The following ZPLD1 variants were observed in gnomAD, a reference collection of about 807,000 sequenced individuals.
ZPLD1 encodes zona pellucida like domain containing 1.
Under a neutral mutation model 47.2 loss-of-function variants are expected in ZPLD1, and 34 were observed. The observed-to-expected ratio is 0.72, with a 90% CI of 0.55 to 0.96. The LOEUF is 0.96. ZPLD1 is among the 40% of genes least tolerant of loss of function. The pLI is 0.00. For synonymous variants in ZPLD1, 176 were observed against 186.2 expected (o/e 0.95, Z 0.45); for missense variants, 512 against 505.8 (o/e 1.01, Z -0.12).
intron 6 of ZPLD1, among the ~76,000 whole-genome samples, chr3:102,387,427 CT>C (rs1041140025): frequency 3.3e-5 from 5 of 152,154 alleles, no homozygotes; most frequent in Non-Finnish European, 7.4e-5. Flanking sequence ...TTCTTCACCT[CT>C]TTTGTATTCT....
rs569347148 is a variant in ZPLD1 at position 102,468,964 on chromosome 3, C to T, written c.762C>T (p.Ser254=). Residue 254 remains serine, a splice_region_variant and synonymous_variant, in exon 9 of 12, where the codon AGC becomes AGT. Transcript: ENST00000466937. The part of the protein sequence containing the change: ...NDDIRYDLFL[S]CDKDPQTTVI... ...TGTTTTCACGTTCCCTAAAATTTAG[C>T]TGTGACAAGGACCCTCAGACCACCG... is the stretch of plus-strand genomic sequence containing the variant. The T allele has an allele frequency of 6.2e-7, 1 of 1,607,868 alleles. No individual in the cohort carries two copies. Among genetic ancestry groups the T allele is most frequent in the East Asian group, 2.2e-5 (1 of 44,832 alleles).
Position 102,388,257 on chromosome 3 carries a change from G to A in ZPLD1, c.-213+2940G>A, listed in dbSNP as rs1009999487. Among the ~76,000 whole-genome samples the A allele has an allele frequency of 7.9e-5, 12 of 152,054 alleles. No individual in the cohort carries two copies. The South Asian group carries it at 2.3e-3, about 29-fold the overall frequency. On this transcript the variant is annotated intron_variant, in intron 6 of 17. Coordinates refer to the ZPLD1 transcript ENST00000491959. ...CCGAACTACTGTAGGTTAGTTATTG[G>A]ACCTCCTGGAGGATATACTGAGAGA...
chr3:102,404,187 A>G (rs2107293886), intron 7 of ZPLD1, among the ~76,000 whole-genome samples: 1 of 152,090 alleles, frequency 6.6e-6, no homozygotes, highest in South Asian at 2.1e-4. Flanking sequence ...AATCTCACCC[A>G]CATTTCAGAG....
intron 10 of ZPLD1, 38 bp from the exon 11 acceptor site, chr3:102,476,974 G>A (rs754975792): frequency 6.2e-7 from 1 of 1,607,966 alleles, no homozygotes; most frequent in East Asian, 2.2e-5. Flanking sequence ...TATTTGGAGA[G>A]ATGATGTCAC....
chr3:102,475,806 T>C (rs1707750800), intron 10 of ZPLD1, among the ~76,000 whole-genome samples: 1 of 152,192 alleles, frequency 6.6e-6, no homozygotes, highest in African/African-American at 2.4e-5. Context: ...AACCATCGTT[T>C]CTGCCAAGAT....
intron 7 of ZPLD1, among the ~76,000 whole-genome samples, chr3:102,410,311 A>T (rs1706735571): frequency 6.6e-6 from 1 of 151,844 alleles, no homozygotes; most frequent in South Asian, 2.1e-4. Flanking sequence ...CTTGGAGTGG[A>T]GTTCAGAATC....
intron 4 of ZPLD1, among the ~76,000 whole-genome samples, chr3:102,454,865 C>A (rs548264745): frequency 6.4e-4 from 98 of 152,130 alleles, no homozygotes; most frequent in South Asian, 2.1e-3. Context: ...CACACACACA[C>A]AAAAAATTGC....
At chr3:102,423,797 A>C (rs1706909194) in intron 8 of ZPLD1, among the ~76,000 whole-genome samples, 1 of 152,088 alleles carries the variant, frequency 6.6e-6, no homozygotes, top group African/African-American at 2.4e-5. Context: ...TAGTCTTAAA[A>C]GGTCTTATTT....
At chr3:102,448,215 C>CT (rs765437459) in intron 3 of ZPLD1, among the ~76,000 whole-genome samples, 1 of 152,172 alleles carries the variant, frequency 6.6e-6, no homozygotes, top group African/African-American at 2.4e-5. Flanking sequence ...CACATAAACT[C>CT]TGTCTGCAGG....
chr3:102,410,396 A>G (rs1283686340), intron 7 of ZPLD1, among the ~76,000 whole-genome samples: 2 of 151,800 alleles, frequency 1.3e-5, no homozygotes, highest in Non-Finnish European at 2.9e-5. Flanking sequence ...GAATTACTAT[A>G]ATGTTAATCT....
In ZPLD1 at chr3:102,441,981, G is replaced by A. The variant is rs188122934; in HGVS notation, c.106+3388G>A. ...CTCCTACCCTAAGCGCAGAAACAGG[G>A]ACATAAGGCTACCATCTCCCTTGAT... On this transcript the variant is annotated intron_variant, in intron 3 of 11. Coordinates refer to ENST00000466937, the MANE Select transcript of ZPLD1 (RefSeq NM_001329788.2). 4.6e-5 allele frequency among the ~76,000 whole-genome samples: 7 copies of A among 152,214 alleles called. No homozygotes were observed. In the East Asian group the frequency reaches 7.7e-4, roughly 17 times the overall value.
intron 7 of ZPLD1, among the ~76,000 whole-genome samples, chr3:102,415,516 A>G (rs1229201091): frequency 2.6e-5 from 4 of 151,824 alleles, no homozygotes; most frequent in Non-Finnish European, 5.9e-5. Flanking sequence ...GATGCTACAA[A>G]CTTCATGAAG....
chr3:102,427,451 G>C (rs1706962265), intron 8 of ZPLD1, among the ~76,000 whole-genome samples: 2 of 152,108 alleles, frequency 1.3e-5, no homozygotes, highest in African/African-American at 4.8e-5. Flanking sequence ...CTCTTCAATT[G>C]TCATGGATAA....
rs149947711 is a variant in ZPLD1 at position 102,457,760 on chromosome 3, C to A, written c.510-21C>A. ...ACTCTAAAATCTCATCAGTGCTTTC[C>A]TTTTTCTAAATGTGTTTTAGGTCCT... On this transcript the variant is annotated intron_variant, in intron 5 of 11. Transcript: ENST00000466937. 17 of 1,612,350 alleles carry A rather than the reference C, an allele frequency of 1.1e-5. No individual in the cohort carries two copies. In the African/African-American group the frequency reaches 1.6e-4, roughly 15 times the overall value.
intron 8 of ZPLD1, among the ~76,000 whole-genome samples, chr3:102,468,349 G>A (rs1377608335): frequency 6.6e-6 from 1 of 152,054 alleles, no homozygotes; most frequent in East Asian, 1.9e-4. Context: ...TTCATTATTA[G>A]TTTTTAAAAA....
At chr3:102,406,654 A>G (rs1706690931) in intron 7 of ZPLD1, among the ~76,000 whole-genome samples, 1 of 151,946 alleles carries the variant, frequency 6.6e-6, no homozygotes, top group Non-Finnish European at 1.5e-5. Flanking sequence ...AATTTTTACT[A>G]ATTTCTTATG....
intron 7 of ZPLD1, among the ~76,000 whole-genome samples, chr3:102,400,325 AAC>A: frequency 6.6e-6 from 1 of 152,016 alleles, no homozygotes; most frequent in Non-Finnish European, 1.5e-5. Context: ...TTTTATGTTG[AAC>A]ACAGTCTCTC....
intron 10 of ZPLD1, among the ~76,000 whole-genome samples, chr3:102,473,827 T>C (rs1326243228): frequency 6.6e-6 from 1 of 152,206 alleles, no homozygotes; most frequent in Non-Finnish European, 1.5e-5. Flanking sequence ...CTACCTTTTT[T>C]CCTTAGTTTC....
chr3:102,418,776 T>C (rs1706841523), intron 8 of ZPLD1, among the ~76,000 whole-genome samples: 1 of 152,052 alleles, frequency 6.6e-6, no homozygotes, highest in Admixed American at 6.6e-5. Flanking sequence ...AAAATAATTA[T>C]GGTGTGATTT....
Sources: gnomAD v4.1 joint callset for allele counts (sites outside exome capture counted in the v4.1 genomes callset) on GRCh38, gnomAD v4.1.1 for gene constraint, MANE v1.5 for transcripts, NCBI Gene and HGNC (gene_info 2026-07-23, HGNC 2026-07-21) for gene names.